The following FSIP2 variants were observed in gnomAD, a reference collection of about 807,000 sequenced individuals.
FSIP2 encodes fibrous sheath-interacting protein 2.
FSIP2 carries 367 observed loss-of-function variants against 510.5 expected under a neutral mutation model. The ratio of observed to expected loss-of-function variants is 0.72; its 90% CI spans 0.66 to 0.78. The LOEUF is 0.78. Ranked by LOEUF, FSIP2 falls within the 30% of genes least tolerant of loss-of-function variation. The pLI is 0.00. For synonymous variants in FSIP2, 2,601 were observed against 2,732.2 expected (o/e 0.95, Z 1.50); for missense variants, 7,594 against 7,901.7 (o/e 0.96, Z 1.48).
chr2:185,737,457 A>C (rs1691806022), upstream of FSIP2, among the ~76,000 whole-genome samples: 1 of 152,126 alleles, frequency 6.6e-6, no homozygotes, highest in South Asian at 2.1e-4. Context: ...CAATGGTGCA[A>C]ACAAACAAAC....
rs759384554 is a variant in FSIP2 at position 185,753,852 on chromosome 2, A to G, written c.991+10A>G. ...CAAGATGGAACACATGGTGAATGTG[A>G]GAACATTAAAAGATGATGTAGCTAA... On this transcript the variant is annotated intron_variant, in intron 8 of 22. Coordinates refer to ENST00000424728, the MANE Select transcript of FSIP2 (RefSeq NM_173651.4). The G allele has an allele frequency of 6.9e-7, 1 of 1,443,352 alleles. No individual in the cohort carries two copies. Among genetic ancestry groups the G allele is most frequent in the South Asian group, 1.5e-5 (1 of 68,492 alleles). The allele number at this position is 1,443,352 out of a possible 1,614,324, so 89.4% of individuals were successfully genotyped here.
In FSIP2 at chr2:185,744,987, G is replaced by C. The variant is rs1454256928; in HGVS notation, c.478-442G>C. On this transcript the variant is annotated intron_variant, in intron 4 of 22. Coordinates refer to ENST00000424728, the MANE Select transcript of FSIP2 (RefSeq NM_173651.4). ...AGGTGTGTGTGTGTGGGGTGTGTGT[G>C]TGTGTGTGTGTTTGTGTGAATTCAG... is the stretch of plus-strand genomic sequence containing the variant. 1.4e-5 allele frequency: 2 copies of C among 147,920 alleles called. 1 individual carries two copies. The highest frequency in any genetic ancestry group is 1.4e-4 in the Admixed American group (2 of 14,466). 9.2% of individuals were successfully genotyped at this position (147,920 alleles called of 1,614,324 possible). A position where few individuals can be genotyped will look rare whatever the true frequency, so the allele number is the denominator to read the frequency against.
chr2:185,792,822 G>A lies in FSIP2; in HGVS notation c.5686G>A (p.Glu1896Lys). The A allele has an allele frequency of 6.5e-7, 1 of 1,534,416 alleles. No individual in the cohort carries two copies. The highest frequency in any genetic ancestry group is 8.7e-7 in the Non-Finnish European group (1 of 1,145,736). Residue 1896 changes from glutamate to lysine, a missense_variant, in exon 16 of 23, where the codon GAA becomes AAA. Physicochemically the swap from Glu to Lys is moderately conservative, Grantham distance 56. Coordinates refer to ENST00000424728, the MANE Select transcript of FSIP2 (RefSeq NM_173651.4). ...AAAGTCCTCTGTCACGGCTTTGGAT[G>A]AAAATCCATGTACTTTTCAGTCTAG... ...KGKSSVTALD[E>K]NPCTFQSRFS... is the part of the protein sequence containing the mutation.
chr2:185,808,201 C>G lies in FSIP2; in HGVS notation c.18895C>G (p.Gln6299Glu). 6.2e-7 allele frequency: 1 copy of G among 1,611,622 alleles called. No individual in the cohort carries two copies. The highest frequency in any genetic ancestry group is 2.2e-5 in the East Asian group (1 of 44,718). The change falls in exon 17 of 23, where the codon CAA becomes GAA. Residue 6299 changes from glutamine to glutamate, a missense_variant. By Grantham distance (29) the Gln-to-Glu change is conservative. Coordinates refer to ENST00000424728, the MANE Select transcript of FSIP2 (RefSeq NM_173651.4). ...MVNAISNSEFQPQVEEEVSNS... is the reference protein window; with the variant it reads ...MVNAISNSEFEPQVEEEVSNS... ...GAATGCAATTTCGAATTCTGAATTT[C>G]AACCTCAAGTAGAGGAAGAAGTATC...
At position 185,777,311 on chromosome 2, in the gene FSIP2, CTG is replaced by C. The variant is rs569940666; in HGVS notation, c.1412-5390_1412-5389del. On this transcript the variant is annotated intron_variant, in intron 13 of 22. Coordinates refer to ENST00000424728, the MANE Select transcript of FSIP2 (RefSeq NM_173651.4). The stretch of plus-strand genomic sequence containing the variant: ...TCCTGTCCCCATAACACAGAAGTAA[CTG>C]TGTTTTTATAAAAAAATCAAATTAT... Among the ~76,000 whole-genome samples, 16 of 151,612 alleles carry C rather than the reference CTG, an allele frequency of 1.1e-4. No individual in the cohort carries two copies. The South Asian group carries it at 1.9e-3, about 18-fold the overall frequency.
At chr2:185,775,949 C>T (rs1248716364) in intron 13 of FSIP2, among the ~76,000 whole-genome samples, 1 of 152,174 alleles carries the variant, frequency 6.6e-6, no homozygotes, top group Non-Finnish European at 1.5e-5. Flanking sequence ...AGGCGTGAGC[C>T]ATCGCACCTG....
chr2:185,821,791 T>TA (rs1693925040), intron 19 of FSIP2, among the ~76,000 whole-genome samples: 1 of 151,562 alleles, frequency 6.6e-6, no homozygotes, highest in Non-Finnish European at 1.5e-5. Flanking sequence ...CCAGACATGG[T>TA]GGTGTGCACC....
rs1401399251 is a variant in FSIP2 at position 185,808,840 on chromosome 2, T to A, written c.19534T>A (p.Leu6512Ile). ...AGAGCAAGAAAAGTTAGATCAAAAT[T>A]TATCTGAAGAGGAATCTCCAATTAA... ...ELEQEKLDQN[L>I]SEEESPIKIV... Residue 6512 changes from leucine (L) to isoleucine (I), a missense_variant, in exon 17 of 23, where the codon TTA becomes ATA. Leu to Ile is a conservative substitution (Grantham distance 5, BLOSUM62 2). Coordinates refer to ENST00000424728, the MANE Select transcript of FSIP2 (RefSeq NM_173651.4). 5 of 1,612,406 alleles carry A rather than the reference T, an allele frequency of 3.1e-6. No individual in the cohort carries two copies. Among genetic ancestry groups the A allele is most frequent in the Non-Finnish European group, 3.4e-6 (4 of 1,179,352 alleles).
rs1341587572 is a variant in FSIP2 at position 185,832,328 on chromosome 2, G to C, written c.20587+446G>C. ...CAACAGCAGCAGATTGAGCAGGGGTGTGTGGCTTATGGGAGATGGCATGCT... is the reference window on the plus strand; with the variant it reads ...CAACAGCAGCAGATTGAGCAGGGGTCTGTGGCTTATGGGAGATGGCATGCT... On this transcript the variant is annotated intron_variant, in intron 22 of 22. Coordinates refer to ENST00000424728, the MANE Select transcript of FSIP2 (RefSeq NM_173651.4). Among the ~76,000 whole-genome samples, 3 of 151,894 alleles carry C rather than the reference G, an allele frequency of 2.0e-5. No individual in the cohort carries two copies. In the East Asian group the frequency reaches 5.8e-4, roughly 29 times the overall value.
chr2:185,822,715 A>G (rs1180447383), intron 19 of FSIP2, among the ~76,000 whole-genome samples: 3 of 151,856 alleles, frequency 2.0e-5, no homozygotes, highest in Non-Finnish European at 4.4e-5. Context: ...ATTTATCCTA[A>G]AGTTCATTAG....
At chr2:185,782,683 A>T in intron 13 of FSIP2, 22 bp from the exon 14 acceptor site, 1 of 1,439,908 alleles carries the variant, frequency 6.9e-7, no homozygotes, top group Admixed American at 2.0e-5. Context: ...AAACTATGTA[A>T]TTTTATTTTT....
intron 14 of FSIP2, among the ~76,000 whole-genome samples, 181 bp downstream of exon 14, chr2:185,782,943 GTCCTT>G (rs966257876): frequency 6.6e-6 from 1 of 152,106 alleles, no homozygotes; most frequent in Non-Finnish European, 1.5e-5. Context: ...GTGAATCATT[GTCCTT>G]TCCTTTCTCC....
chr2:185,788,593 A>C, intron 15 of FSIP2, 50 bp from the exon 16 acceptor site: 1 of 1,284,514 alleles, frequency 7.8e-7, no homozygotes, highest in Middle Eastern at 2.5e-4. Flanking sequence ...CAAAACATAG[A>C]GTAAGTTGTT....
chr2:185,785,344 C>G (rs146571278), intron 14 of FSIP2, among the ~76,000 whole-genome samples: 1 of 151,896 alleles, frequency 6.6e-6, no homozygotes, highest in Non-Finnish European at 1.5e-5. Context: ...TGAACTGAAC[C>G]CAGTGAAGTT....
Position 185,806,806 on chromosome 2 carries a change from T to C in FSIP2, c.17500T>C (p.Ser5834Pro), listed in dbSNP as rs775328652. The C allele has an allele frequency of 6.2e-7, 1 of 1,611,726 alleles. No homozygotes were observed. Residue 5834 changes from serine to proline, a missense_variant, in exon 17 of 23, where the codon TCA becomes CCA. Coordinates refer to ENST00000424728, the MANE Select transcript of FSIP2 (RefSeq NM_173651.4). Reference sequence around the variant, plus strand: ...TGACACTGCTATGAAACTCATCAATTCACTGTTAAAGGAGTTCTCAGATGC... The same window carrying C: ...TGACACTGCTATGAAACTCATCAATCCACTGTTAAAGGAGTTCTCAGATGC... ...LYDTAMKLINSLLKEFSDAQI... is the reference protein window; with the variant it reads ...LYDTAMKLINPLLKEFSDAQI...
chr2:185,800,169 A>T lies in FSIP2; in HGVS notation c.10863A>T (p.Val3621=). The part of the protein sequence containing the change: ...VIHVLSKEIE[V]DYHFESNVRN... ...ATGTACTGTCCAAAGAAATAGAAGT[A>T]GATTATCACTTTGAAAGCAATGTAA... Residue 3621 remains valine, a synonymous_variant, in exon 17 of 23, where the codon GTA becomes GTT. Transcript: ENST00000424728. 6.5e-7 allele frequency: 1 copy of T among 1,533,216 alleles called. No homozygotes were observed. Among genetic ancestry groups the T allele is most frequent in the Non-Finnish European group, 8.7e-7 (1 of 1,145,274 alleles). 95.0% of individuals were successfully genotyped at this position (1,533,216 alleles called of 1,614,324 possible). A position where few individuals can be genotyped will look rare whatever the true frequency, so the allele number is the denominator to read the frequency against.
chr2:185,828,090 T>G (rs1694046434), intron 20 of FSIP2, 66 bp from the exon 21 acceptor site: 3 of 869,706 alleles, frequency 3.4e-6, no homozygotes, highest in Non-Finnish European at 5.8e-6. Flanking sequence ...ATGATCAGAT[T>G]TGTGTCAACA....
At chr2:185,831,245 GTCCCAGGCTA>G (rs1228184575) in intron 21 of FSIP2, among the ~76,000 whole-genome samples, 1 of 151,756 alleles carries the variant, frequency 6.6e-6, no homozygotes, top group African/African-American at 2.4e-5. Context: ...CCCAACACCT[GTCCCAGGCTA>G]TTTTATGCTT....
rs893407324 is a variant in FSIP2 at position 185,745,534 on chromosome 2, T to C, written c.583T>C (p.Ser195Pro). Residue 195 changes from serine to proline, a missense_variant, in exon 5 of 23, where the codon TCT (serine) becomes CCT (proline). By Grantham distance (74) the Ser-to-Pro change is moderately conservative. Transcript: ENST00000424728. ...CTGGTTGTTAAAGGAGGGCACTGAA[T>C]CTATTAAGGACCAGGAGCGGCTGAT... ...QNWLLKEGTE[S>P]IKDQERLMRH... The C allele has an allele frequency of 4.6e-6, 7 of 1,535,626 alleles. No individual in the cohort carries two copies. The African/African-American group carries it at 9.6e-5, about 21-fold the overall frequency.
Sources: gnomAD v4.1 joint callset for allele counts (sites outside exome capture counted in the v4.1 genomes callset) on GRCh38, gnomAD v4.1.1 for gene constraint, MANE v1.5 for transcripts, NCBI Gene and HGNC (gene_info 2026-07-23, HGNC 2026-07-21) for gene names.